Variants in CENPE observed in about 807,000 individuals in gnomAD.
The protein encoded by CENPE is centromere protein E, also known as centromere-associated protein E.
CENPE carries 145 observed loss-of-function variants against 336.1 expected under a neutral mutation model. The observed-to-expected ratio is 0.43, with a 90% CI of 0.38 to 0.50. The LOEUF (loss-of-function observed/expected upper bound fraction) is 0.50, where lower values mean the gene tolerates loss of function less well. Ranked by LOEUF, CENPE falls within the 20% of genes least tolerant of loss-of-function variation. The probability of loss-of-function intolerance (pLI) is 0.00; values close to 1 mark genes in which losing one functional copy is unlikely to be tolerated. For missense variants in CENPE, 2,719 were observed against 3,023.3 expected (o/e 0.90, Z 2.36); for synonymous variants, 1,013 against 984.8 (o/e 1.03, Z -0.54).
At chr4:103,152,725 T>C (rs1753661731) in intron 25 of CENPE, among the ~76,000 whole-genome samples, 1 of 152,158 alleles carries the variant, frequency 6.6e-6, no homozygotes, top group Non-Finnish European at 1.5e-5. Flanking sequence ...AGAGACTACA[T>C]ACTGTATGAT....
chr4:103,137,439 G>T (rs2711900), intron 39 of CENPE, among the ~76,000 whole-genome samples: 1 of 151,986 alleles, frequency 6.6e-6, no homozygotes, highest in South Asian at 2.1e-4. Flanking sequence ...AAACAAGGGC[G>T]TTCTCACAAG....
intron 16 of CENPE, among the ~76,000 whole-genome samples, chr4:103,174,206 A>T (rs931708341): frequency 1.3e-5 from 2 of 151,948 alleles, no homozygotes; most frequent in Admixed American, 1.3e-4. Flanking sequence ...CATTTGCAAC[A>T]ATATGGATGA....
intron 21 of CENPE, among the ~76,000 whole-genome samples, chr4:103,160,364 A>G (rs1312742752): frequency 1.3e-5 from 2 of 151,980 alleles, no homozygotes; most frequent in African/African-American, 4.8e-5. Context: ...ACATTTGAGG[A>G]CTACAGAAAT....
chr4:103,166,798 C>T (rs887662019), intron 16 of CENPE, among the ~76,000 whole-genome samples: 32 of 152,054 alleles, frequency 2.1e-4, no homozygotes, highest in African/African-American at 7.0e-4. Flanking sequence ...AGTCTGATAA[C>T]AACTACAGAT....
chr4:103,174,736 C>A lies in CENPE; in HGVS notation c.1647G>T (p.Glu549Asp). Residue 549 changes from glutamate (E) to aspartate (D), a missense_variant and splice_region_variant, in exon 16 of 49, where the codon GAG (glutamate) becomes GAT (aspartate). Around this residue, in one of 5 missense-constraint regions of CENPE, gnomAD observed 2,437 missense variants for 2,513.3 expected, o/e 0.97. Transcript: ENST00000265148. ...AGTTTTACATTTCTGTCTCTCTTAC[C>A]TCTTGATCTTTTTTAGTTTTTCTTT... ...ALERKTKKDQ[E>D]MQLIHEISNL... The A allele has an allele frequency of 6.6e-7, 1 of 1,507,934 alleles. No individual in the cohort carries two copies. The highest frequency in any genetic ancestry group is 1.3e-5 in the South Asian group (1 of 76,518). The allele number at this position is 1,507,934 out of a possible 1,614,324, so 93.4% of individuals were successfully genotyped here.
intron 26 of CENPE, among the ~76,000 whole-genome samples, chr4:103,150,475 C>A (rs576927234): frequency 2.6e-5 from 4 of 151,698 alleles, no homozygotes; most frequent in African/African-American, 9.7e-5. Flanking sequence ...CTCAGCTACT[C>A]GGGAGGCTGA....
intron 24 of CENPE, among the ~76,000 whole-genome samples, chr4:103,155,527 G>A (rs992267661): frequency 1.3e-5 from 2 of 152,014 alleles, no homozygotes; most frequent in African/African-American, 4.8e-5. Context: ...TGCCCAGGCC[G>A]GTCTTGAACT....
At chr4:103,174,966 A>G in intron 15 of CENPE, 63 bp from the exon 16 acceptor site, 1 of 1,049,856 alleles carries the variant, frequency 9.5e-7, no homozygotes, top group South Asian at 1.8e-5. Flanking sequence ...TTCCTTAATA[A>G]AATTTGAATT....
chr4:103,192,921 T>G (rs1757476252), intron 8 of CENPE, among the ~76,000 whole-genome samples: 1 of 152,028 alleles, frequency 6.6e-6, no homozygotes, highest in African/African-American at 2.4e-5. Context: ...AAGTTTTTTT[T>G]TTTTTAATTA....
At chr4:103,164,133 T>C (rs1390509327) in intron 16 of CENPE, among the ~76,000 whole-genome samples, 2 of 152,124 alleles carry the variant, frequency 1.3e-5, no homozygotes, top group South Asian at 4.1e-4. Flanking sequence ...ACTATGACCT[T>C]GATTTATTCC....
chr4:103,163,476 C>T lies in CENPE; in HGVS notation c.1722+3G>A, dbSNP rs1754633132. ...CAATAGAAATACCAACATGAATGCT[C>T]ACCTCAAGATCTTGATTATATACTT... On this transcript the variant is annotated splice_donor_region_variant and intron_variant, in intron 17 of 48. Transcript: ENST00000265148. 1 of 1,585,264 alleles carries T rather than the reference C, an allele frequency of 6.3e-7. No homozygotes were observed. The highest frequency in any genetic ancestry group is 8.6e-7 in the Non-Finnish European group (1 of 1,160,094).
chr4:103,163,466 C>T lies in CENPE; in HGVS notation c.1722+13G>A. 6.4e-7 allele frequency: 1 copy of T among 1,567,570 alleles called. No homozygotes were observed. Among genetic ancestry groups the T allele is most frequent in the South Asian group, 1.1e-5 (1 of 87,916 alleles). On this transcript the variant is annotated intron_variant, in intron 17 of 48. Transcript: ENST00000265148. Reference sequence around the variant, plus strand: ...AATTGCTTATCAATAGAAATACCAACATGAATGCTCACCTCAAGATCTTGA... The same window carrying T: ...AATTGCTTATCAATAGAAATACCAATATGAATGCTCACCTCAAGATCTTGA...
intron 13 of CENPE, among the ~76,000 whole-genome samples, chr4:103,179,671 A>C (rs956618692): frequency 6.6e-6 from 1 of 152,226 alleles, no homozygotes; most frequent in Non-Finnish European, 1.5e-5. Context: ...GGTGAGTATC[A>C]AGCTATTCCA....
intron 1 of CENPE, among the ~76,000 whole-genome samples, 183 bp downstream of exon 1, chr4:103,198,081 A>G (rs949216737): frequency 2.0e-5 from 3 of 152,262 alleles, no homozygotes; most frequent in African/African-American, 7.2e-5. Flanking sequence ...GCTGGAAAGT[A>G]TCTTCTAGAT....
intron 24 of CENPE, 75 bp downstream of exon 24, chr4:103,158,225 T>A (rs565317793): frequency 9.4e-7 from 1 of 1,064,644 alleles, no homozygotes; most frequent in African/African-American, 1.6e-5. Context: ...ATTGAGAATA[T>A]TATGCATTTA....
At chr4:103,134,300 C>T (rs911104901) in intron 40 of CENPE, among the ~76,000 whole-genome samples, 1 of 152,112 alleles carries the variant, frequency 6.6e-6, no homozygotes, top group African/African-American at 2.4e-5. Context: ...CTCCTGCCAA[C>T]GCTGATTGGG....
At chr4:103,122,111 T>C (rs1266786537) in intron 43 of CENPE, among the ~76,000 whole-genome samples, 1 of 152,210 alleles carries the variant, frequency 6.6e-6, no homozygotes, top group Non-Finnish European at 1.5e-5. Context: ...ATGGATTTCA[T>C]CTTTCCTCTA....
At chr4:103,157,545 C>T (rs979174865) in intron 24 of CENPE, among the ~76,000 whole-genome samples, 4 of 151,838 alleles carry the variant, frequency 2.6e-5, no homozygotes, top group Non-Finnish European at 5.9e-5. Flanking sequence ...TTCATAAAGA[C>T]AGAAAAATAA....
At chr4:103,167,891 C>T (rs914169184) in intron 16 of CENPE, among the ~76,000 whole-genome samples, 1 of 152,192 alleles carries the variant, frequency 6.6e-6, no homozygotes, top group African/African-American at 2.4e-5. Context: ...ATGGGCTCTT[C>T]TGCCTGTCGA....
Sources: gnomAD v4.1 joint callset for allele counts (sites outside exome capture counted in the v4.1 genomes callset) on GRCh38, gnomAD v4.1.1 for gene constraint, gnomAD v4.1.1 regional missense constraint, MANE v1.5 for transcripts, NCBI Gene and HGNC (gene_info 2026-07-23, HGNC 2026-07-21) for gene names.